SGCZ: variants seen among roughly 807,000 people sequenced by gnomAD.
The protein encoded by SGCZ is sarcoglycan zeta.
Under a neutral mutation model 41.3 loss-of-function variants are expected in SGCZ, and 40 were observed. The observed-to-expected ratio is 0.97, with a 90% confidence interval of 0.75 to 1.26. SGCZ has a LOEUF of 1.26. SGCZ is among the 50% of genes most tolerant of loss of function. The pLI, the probability that SGCZ is intolerant of heterozygous loss-of-function variation, is 0.00. For synonymous variants in SGCZ, 206 were observed against 137.5 expected (o/e 1.50, Z -3.49); for missense variants, 552 against 369.8 (o/e 1.49, Z -4.04).
intron 1 of SGCZ, among the ~76,000 whole-genome samples, chr8:14,869,385 A>G (rs1033760518): frequency 1.3e-5 from 2 of 152,216 alleles, no homozygotes; most frequent in Non-Finnish European, 2.9e-5. Context: ...ATGAAATTCA[A>G]CACCGCTTCA....
At position 14,443,005 on chromosome 8, in the gene SGCZ, A is replaced by G. The variant is rs560741042; in HGVS notation, c.234+111727T>C. Among the ~76,000 whole-genome samples the G allele has an allele frequency of 4.7e-3, 718 of 152,314 alleles. 8 individuals carry two copies. The highest frequency in any genetic ancestry group is 0.016 in the African/African-American group (683 of 41,568). On this transcript the variant is annotated intron_variant, in intron 2 of 7. Coordinates refer to ENST00000382080, the MANE Select transcript of SGCZ (RefSeq NM_139167.4). ...ATGTACAAAAATCACAAGCATTCTT[A>G]TAAACCAATAACAGCCAAACAGAGA...
At chr8:14,502,491 T>A (rs1563371144) in intron 2 of SGCZ, among the ~76,000 whole-genome samples, 1 of 152,136 alleles carries the variant, frequency 6.6e-6, no homozygotes, top group Non-Finnish European at 1.5e-5. Context: ...TATATTCATG[T>A]TATAAACAAT....
intron 4 of SGCZ, among the ~76,000 whole-genome samples, chr8:14,231,160 AGT>A (rs71209027): frequency 0.014 from 1,615 of 112,066 alleles, 32 homozygotes; most frequent in African/African-American, 0.042. Context: ...TCTTTGGGCA[AGT>A]GTGTGTGTGT....
chr8:14,891,299 A>G (rs1297801911), intron 1 of SGCZ, among the ~76,000 whole-genome samples: 1 of 152,236 alleles, frequency 6.6e-6, no homozygotes, highest in African/African-American at 2.4e-5. Context: ...TCCATGATTC[A>G]TGAAAGGAGG....
chr8:14,547,671 T>G (rs35321922), intron 2 of SGCZ, among the ~76,000 whole-genome samples: 19,684 of 152,072 alleles, frequency 0.13, 1,592 homozygotes, highest in South Asian at 0.19. Context: ...AATATCTCCA[T>G]GAGATCAACA....
intron 3 of SGCZ, among the ~76,000 whole-genome samples, chr8:14,276,982 G>C (rs1800257967): frequency 6.6e-6 from 1 of 152,154 alleles, no homozygotes; most frequent in Non-Finnish European, 1.5e-5. Flanking sequence ...TGGCCCCTAT[G>C]CTCAGACCTG....
chr8:14,795,012 C>T (rs1214908312), intron 1 of SGCZ, among the ~76,000 whole-genome samples: 2 of 152,040 alleles, frequency 1.3e-5, no homozygotes, highest in Non-Finnish European at 2.9e-5. Context: ...CTTCAGATGC[C>T]CTTGATTCAG....
intron 1 of SGCZ, among the ~76,000 whole-genome samples, chr8:15,179,173 G>A (rs1800087154): frequency 6.6e-6 from 1 of 152,000 alleles, no homozygotes; most frequent in Non-Finnish European, 1.5e-5. Flanking sequence ...TAATTAACCT[G>A]TTTAAGTAAA....
intron 3 of SGCZ, among the ~76,000 whole-genome samples, chr8:14,283,384 G>C (rs959001893): frequency 3.9e-5 from 6 of 152,126 alleles, no homozygotes; most frequent in African/African-American, 1.4e-4. Flanking sequence ...CTCTGTAAGA[G>C]AATGCAAGAG....
In SGCZ at chr8:14,195,019, C is replaced by G. The variant is rs75935162; in HGVS notation, c.425-30317G>C. On this transcript the variant is annotated intron_variant, in intron 4 of 7. Transcript: ENST00000382080. Reference sequence around the variant, plus strand: ...TAAGTTTAAGAATATTTATAGAAACCCTAATATACCTAGCACCAAAAAGTA... The same window carrying G: ...TAAGTTTAAGAATATTTATAGAAACGCTAATATACCTAGCACCAAAAAGTA... Among the ~76,000 whole-genome samples the G allele has an allele frequency of 2.0e-5, 3 of 151,920 alleles. No individual in the cohort carries two copies. The East Asian group carries it at 5.8e-4, about 29-fold the overall frequency.
intron 1 of SGCZ, among the ~76,000 whole-genome samples, chr8:14,734,049 T>A (rs1469051329): frequency 1.3e-5 from 2 of 152,320 alleles, no homozygotes; most frequent in East Asian, 3.9e-4. Flanking sequence ...AGCACTTATG[T>A]ACCTTGAAAA....
At chr8:15,162,163 A>G (rs1029146632) in intron 1 of SGCZ, among the ~76,000 whole-genome samples, 5 of 152,238 alleles carry the variant, frequency 3.3e-5, no homozygotes, top group South Asian at 4.1e-4. Flanking sequence ...CATTTTATCA[A>G]TTCACAAGAG....
chr8:14,904,453 C>G (rs949729674), intron 1 of SGCZ, among the ~76,000 whole-genome samples: 12 of 151,988 alleles, frequency 7.9e-5, no homozygotes, highest in Admixed American at 3.3e-4. Flanking sequence ...AAACTAGAAG[C>G]ATAATTTTAC....
intron 1 of SGCZ, among the ~76,000 whole-genome samples, chr8:15,045,328 G>T (rs1012675408): frequency 6.6e-6 from 1 of 151,970 alleles, no homozygotes; most frequent in Non-Finnish European, 1.5e-5. Flanking sequence ...GTGGATTCAG[G>T]ATGAATAAAA....
chr8:14,883,631 G>T (rs542514256), intron 1 of SGCZ, among the ~76,000 whole-genome samples: 1 of 151,880 alleles, frequency 6.6e-6, no homozygotes, highest in South Asian at 2.1e-4. Context: ...ATATATGTTT[G>T]GTTATTAGTT....
chr8:14,150,432 C>T (rs1053666132), intron 5 of SGCZ, among the ~76,000 whole-genome samples: 1 of 152,064 alleles, frequency 6.6e-6, no homozygotes, highest in Admixed American at 6.6e-5. Context: ...AAATGCTCAA[C>T]ATGGATTATG....
At chr8:14,838,692 C>A (rs1802790206) in intron 1 of SGCZ, among the ~76,000 whole-genome samples, 1 of 152,172 alleles carries the variant, frequency 6.6e-6, no homozygotes. Context: ...TGGACCCTTT[C>A]CCTGTGACAC....
At chr8:14,370,420 C>A (rs528375414) in intron 2 of SGCZ, among the ~76,000 whole-genome samples, 1 of 151,638 alleles carries the variant, frequency 6.6e-6, no homozygotes, top group Non-Finnish European at 1.5e-5. Context: ...AAGCACAACA[C>A]GGTAATTTAT....
chr8:14,177,951 T>TTTTTTTCTTTTC (rs1804599714), intron 4 of SGCZ, among the ~76,000 whole-genome samples: 1 of 68,848 alleles, frequency 1.5e-5, no homozygotes, highest in Middle Eastern at 8.1e-3. Flanking sequence ...TTCTTTTCTT[T>TTTTTTTCTTTTC]TTTTTTCTTT....
Sources: gnomAD v4.1 joint callset for allele counts (sites outside exome capture counted in the v4.1 genomes callset) on GRCh38, gnomAD v4.1.1 for gene constraint, MANE v1.5 for transcripts, NCBI Gene and HGNC (gene_info 2026-07-23, HGNC 2026-07-21) for gene names.